ATP1B3: variants seen among roughly 807,000 people sequenced by gnomAD.
The protein encoded by ATP1B3 is sodium/potassium-transporting ATPase subunit beta-3.
A neutral mutation model predicts 30.2 loss-of-function variants in ATP1B3; 10 were observed. The observed-to-expected ratio is 0.33, with a 90% CI of 0.20 to 0.56. The LOEUF (loss-of-function observed/expected upper bound fraction) is 0.56. Among genes scored for constraint, ATP1B3 ranks in the 20% least tolerant of loss-of-function variants. The probability of loss-of-function intolerance (pLI) is 0.90; values close to 1 mark genes in which losing one functional copy is unlikely to be tolerated. For missense variants in ATP1B3, 238 were observed against 336.7 expected, an observed-to-expected ratio of 0.71 and a Z score of 2.29; for synonymous variants, 113 against 117.0, an observed-to-expected ratio of 0.97 and a Z score of 0.22.
chr3:141,907,166 G>T lies in ATP1B3; in HGVS notation c.239-1G>T. 1 of 1,604,290 alleles carries T rather than the reference G, an allele frequency of 6.2e-7. No individual in the cohort carries two copies. The highest frequency in any genetic ancestry group is 8.5e-7 in the Non-Finnish European group (1 of 1,174,008). On this transcript the variant is annotated splice_acceptor_variant, in intron 2 of 6. Transcript: ENST00000286371. LOFTEE classifies it high-confidence loss of function. The stretch of plus-strand genomic sequence containing the variant: ...AATCTCTCCCTTTTATGTCTTTATA[G>T]GACTCATGGTTTTTCCAAAACCAGT...
Position 141,913,751 on chromosome 3 carries a change from C to T in ATP1B3, c.446C>T (p.Ser149Leu), listed in dbSNP as rs1170511097. Residue 149 changes from serine (S) to leucine (L), a missense_variant, in exon 4 of 7, where the codon TCA (serine) becomes TTA (leucine). Physicochemically the swap from Ser to Leu is moderately radical, Grantham distance 145. Transcript: ENST00000286371. ...PVYVACQFPISLLQACSGMND... is the reference protein window; with the variant it reads ...PVYVACQFPILLLQACSGMND... ...TATGTTGCATGTCAGTTTCCTATTT[C>T]ATTACTTCAAGCATGCAGTGGTATG... is the stretch of plus-strand genomic sequence containing the variant. 2 of 1,614,018 alleles carry T rather than the reference C, an allele frequency of 1.2e-6. No individual in the cohort carries two copies.
chr3:141,877,039 G>GGCC (rs1933612264), intron 1 of ATP1B3, 129 bp downstream of exon 1: 3 of 598,346 alleles, frequency 5.0e-6, no homozygotes, highest in Middle Eastern at 5.3e-4. Flanking sequence ...ACCCTAACCC[G>GGCC]GGCGGCGGCG....
At chr3:141,923,971 T>C (rs929788305) in intron 6 of ATP1B3, among the ~76,000 whole-genome samples, 8 of 152,202 alleles carry the variant, frequency 5.3e-5, no homozygotes, top group Non-Finnish European at 1.0e-4. Flanking sequence ...ATTCCTTGGT[T>C]AAGGTGGTAT....
chr3:141,901,047 T>C (rs1416407632), intron 1 of ATP1B3, among the ~76,000 whole-genome samples: 3 of 152,216 alleles, frequency 2.0e-5, no homozygotes, highest in African/African-American at 7.2e-5. Flanking sequence ...CCTCCCAAAG[T>C]GCTGGGATTA....
At chr3:141,909,424 G>T (rs1472013714) in intron 3 of ATP1B3, among the ~76,000 whole-genome samples, 1 of 152,202 alleles carries the variant, frequency 6.6e-6, no homozygotes, top group East Asian at 1.9e-4. Flanking sequence ...TCCTGAGGGG[G>T]AAAATAAAAC....
intron 1 of ATP1B3, among the ~76,000 whole-genome samples, chr3:141,882,529 T>C (rs756108164): frequency 6.6e-6 from 1 of 152,168 alleles, no homozygotes; most frequent in Admixed American, 6.5e-5. Context: ...GTCTGGTGGC[T>C]TAGTTACTAT....
chr3:141,880,546 C>A, intron 1 of ATP1B3, among the ~76,000 whole-genome samples: 1 of 151,288 alleles, frequency 6.6e-6, no homozygotes, highest in African/African-American at 2.4e-5. Context: ...ATTAATGAAG[C>A]TTAGAGATCT....
intron 6 of ATP1B3, among the ~76,000 whole-genome samples, chr3:141,923,569 A>AACAAAG (rs1463096039): frequency 6.6e-6 from 1 of 152,224 alleles, no homozygotes; most frequent in Non-Finnish European, 1.5e-5. Context: ...AGCAACAGAA[A>AACAAAG]ACAAAGACAG....
chr3:141,912,763 G>A (rs556250831), intron 3 of ATP1B3, among the ~76,000 whole-genome samples: 6 of 152,232 alleles, frequency 3.9e-5, no homozygotes, highest in African/African-American at 4.8e-5. Context: ...TGCCAAGTAC[G>A]GAGCAGAATT....
At chr3:141,890,543 T>C (rs566665583) in intron 1 of ATP1B3, among the ~76,000 whole-genome samples, 2 of 152,034 alleles carry the variant, frequency 1.3e-5, no homozygotes, top group African/African-American at 2.4e-5. Flanking sequence ...CCTCAAGTGA[T>C]CTGCCCGCCT....
At chr3:141,904,845 G>T (rs987188408) in intron 2 of ATP1B3, among the ~76,000 whole-genome samples, 8 of 151,656 alleles carry the variant, frequency 5.3e-5, no homozygotes, top group African/African-American at 1.9e-4. Flanking sequence ...AAGGAGCTGG[G>T]ATTACAAGCA....
At chr3:141,901,619 A>G (rs1210536137) in intron 1 of ATP1B3, among the ~76,000 whole-genome samples, 3 of 152,150 alleles carry the variant, frequency 2.0e-5, no homozygotes, top group Non-Finnish European at 2.9e-5. Context: ...GTAATTCTTT[A>G]TACTCATTAT....
At chr3:141,902,140 G>A (rs773349415) in intron 1 of ATP1B3, 118 of 1,289,340 alleles carry the variant, frequency 9.2e-5, no homozygotes, top group East Asian at 1.7e-4. Context: ...CAACAGGATC[G>A]CAGTATGTGG....
chr3:141,884,813 G>C (rs1048954460), intron 1 of ATP1B3, among the ~76,000 whole-genome samples: 3 of 152,096 alleles, frequency 2.0e-5, no homozygotes, highest in African/African-American at 7.2e-5. Context: ...TGTCCCTCTA[G>C]GCCCTGACTA....
intron 2 of ATP1B3, among the ~76,000 whole-genome samples, chr3:141,906,944 GAC>G (rs1294174288): frequency 6.6e-6 from 1 of 152,150 alleles, no homozygotes; most frequent in Admixed American, 6.6e-5. Flanking sequence ...CAAATTTAGG[GAC>G]AGTTTCTAAT....
chr3:141,901,007 T>C (rs529813165), intron 1 of ATP1B3, among the ~76,000 whole-genome samples: 6 of 152,192 alleles, frequency 3.9e-5, no homozygotes, highest in Non-Finnish European at 8.8e-5. Flanking sequence ...AGTCTCGAAC[T>C]CCTGACCTCA....
chr3:141,922,051 G>GA lies in ATP1B3; in HGVS notation c.663dup (p.Leu222ThrfsTer19). The GA allele has an allele frequency of 6.5e-7, 1 of 1,528,778 alleles. No homozygotes were observed. Among genetic ancestry groups the GA allele is most frequent in the Non-Finnish European group, 8.9e-7 (1 of 1,120,386 alleles). 94.7% of individuals were successfully genotyped at this position (1,528,778 alleles called of 1,614,324 possible). On this transcript the variant is annotated frameshift_variant, in exon 6 of 7. Transcript: ENST00000286371. LOFTEE classifies it low-confidence loss of function (END_TRUNC). ...ACTTAAAATATTTCCCATATTATGG[G>GA]AAAAAACTGCATGTAAGTATTGAGA...
intron 2 of ATP1B3, among the ~76,000 whole-genome samples, chr3:141,904,191 G>A (rs913553174): frequency 6.6e-6 from 1 of 152,100 alleles, no homozygotes; most frequent in African/African-American, 2.4e-5. Context: ...TAATGTGAAG[G>A]TTTTAATTTT....
chr3:141,877,302 C>T (rs1401323499), intron 1 of ATP1B3, among the ~76,000 whole-genome samples: 1 of 151,920 alleles, frequency 6.6e-6, no homozygotes, highest in East Asian at 1.9e-4. Context: ...CGCTCCGGCC[C>T]GAGAGGCCCT....
Sources: allele counts gnomAD v4.1 joint callset (sites outside exome capture counted in the v4.1 genomes callset), GRCh38; gene constraint gnomAD v4.1.1; transcripts MANE v1.5; gene names NCBI Gene and HGNC (gene_info 2026-07-23, HGNC 2026-07-21).